Variants in SAMD3 observed in about 807,000 individuals in gnomAD.
SAMD3 encodes sterile alpha motif domain containing 3.
In SAMD3, 63 loss-of-function variants were observed where a neutral mutation model predicts 58.5. That is an observed-to-expected ratio of 1.08 (90% CI 0.88 to 1.33). The LOEUF is 1.33. Among genes scored for constraint, SAMD3 ranks in the 40% most tolerant of loss-of-function variants. The pLI is 0.00. For synonymous variants in SAMD3, 220 were observed against 210.3 expected, an observed-to-expected ratio of 1.05 and a Z score of -0.40; for missense variants, 604 against 608.4, an observed-to-expected ratio of 0.99 and a Z score of 0.08.
chr6:130,144,943 T>G (rs563073509), intron 11 of SAMD3, 139 bp from the exon 12 acceptor site: 87 of 881,142 alleles, frequency 9.9e-5, no homozygotes, highest in Non-Finnish European at 1.4e-4. Flanking sequence ...TACTTCAAAA[T>G]AGACCACCAA....
chr6:130,293,789 T>C (rs11154567), intron 2 of SAMD3, among the ~76,000 whole-genome samples: 41,103 of 150,120 alleles, frequency 0.27, 6,104 homozygotes, highest in East Asian at 0.44. Flanking sequence ...TGAAAACTTG[T>C]TTTTAGTGCT....
At chr6:130,245,146 A>C (rs982160012) in intron 2 of SAMD3, among the ~76,000 whole-genome samples, 7 of 152,216 alleles carry the variant, frequency 4.6e-5, no homozygotes, top group African/African-American at 1.7e-4. Context: ...AACTACAGCC[A>C]CGGCACTGCC....
intron 2 of SAMD3, among the ~76,000 whole-genome samples, chr6:130,251,853 T>C (rs756267451): frequency 1.3e-5 from 2 of 152,168 alleles, no homozygotes; most frequent in African/African-American, 2.4e-5. Flanking sequence ...CTGGGTCTCT[T>C]GTGTAATTGT....
intron 2 of SAMD3, among the ~76,000 whole-genome samples, chr6:130,311,891 C>T (rs1480980026): frequency 1.3e-5 from 2 of 152,142 alleles, no homozygotes; most frequent in African/African-American, 2.4e-5. Context: ...CATTCCCCAT[C>T]AGGAGGGGGG....
intron 2 of SAMD3, among the ~76,000 whole-genome samples, chr6:130,273,064 TC>T (rs398110676): frequency 5.1e-4 from 37 of 73,188 alleles, no homozygotes; most frequent in South Asian, 2.3e-3. Flanking sequence ...GTATTGAAGT[TC>T]TTTTTTTTTA....
chr6:130,351,152 G>A (rs183343669), intron 1 of SAMD3, among the ~76,000 whole-genome samples: 3 of 152,260 alleles, frequency 2.0e-5, no homozygotes, highest in Non-Finnish European at 4.4e-5. Context: ...ATACCACTCA[G>A]GACATAGGCA....
intron 5 of SAMD3, among the ~76,000 whole-genome samples, chr6:130,187,668 A>G (rs1265358851): frequency 6.6e-6 from 1 of 152,236 alleles, no homozygotes; most frequent in African/African-American, 2.4e-5. Context: ...TGGATTAAAA[A>G]AAGCTTTACT....
At chr6:130,186,794 G>C (rs1331074366) in intron 5 of SAMD3, among the ~76,000 whole-genome samples, 2 of 109,072 alleles carry the variant, frequency 1.8e-5, no homozygotes, top group Admixed American at 1.1e-4. Flanking sequence ...TTTTTGAGAC[G>C]GAGTCTTGCT....
intron 1 of SAMD3, among the ~76,000 whole-genome samples, chr6:130,360,347 T>A (rs927434518): frequency 6.6e-6 from 1 of 152,206 alleles, no homozygotes; most frequent in Non-Finnish European, 1.5e-5. Flanking sequence ...TTTCCCTAAG[T>A]GTCGGCCAGG....
At chr6:130,186,962 G>C (rs1265744081) in intron 5 of SAMD3, among the ~76,000 whole-genome samples, 1 of 151,564 alleles carries the variant, frequency 6.6e-6, no homozygotes, top group African/African-American at 2.4e-5. Flanking sequence ...AGTATAGACA[G>C]TGTTTCACCA....
At chr6:130,170,209 G>A (rs191190729) in intron 8 of SAMD3, among the ~76,000 whole-genome samples, 13 of 152,088 alleles carry the variant, frequency 8.5e-5, no homozygotes, top group East Asian at 3.9e-4. Context: ...GTCCCCCACC[G>A]CCAACAGGCC....
chr6:130,165,471 T>C (rs1012506249), intron 8 of SAMD3, among the ~76,000 whole-genome samples: 1 of 152,198 alleles, frequency 6.6e-6, no homozygotes, highest in South Asian at 2.1e-4. Flanking sequence ...TTTACATCCT[T>C]TGTATTCTGC....
At chr6:130,174,202 G>C (rs1791513277) in intron 8 of SAMD3, among the ~76,000 whole-genome samples, 1 of 152,144 alleles carries the variant, frequency 6.6e-6, no homozygotes, top group Non-Finnish European at 1.5e-5. Flanking sequence ...GTCTCACTGG[G>C]GTTCAGGCGC....
chr6:130,282,173 TGGG>T (rs553073503), intron 2 of SAMD3, among the ~76,000 whole-genome samples: 1 of 151,462 alleles, frequency 6.6e-6, no homozygotes, highest in East Asian at 1.9e-4. Flanking sequence ...TGCAGGGAGA[TGGG>T]GGGTAGAGAG....
chr6:130,343,374 CT>C (rs1384171566), intron 1 of SAMD3, among the ~76,000 whole-genome samples: 2 of 152,040 alleles, frequency 1.3e-5, no homozygotes, highest in African/African-American at 4.8e-5. Context: ...AAATAACATA[CT>C]GATGCATGGG....
intron 1 of SAMD3, among the ~76,000 whole-genome samples, chr6:130,364,248 G>A (rs892783373): frequency 6.6e-6 from 1 of 152,116 alleles, no homozygotes; most frequent in Admixed American, 6.5e-5. Context: ...CCTTAAGAAT[G>A]TGCTTATTCC....
intron 2 of SAMD3, among the ~76,000 whole-genome samples, chr6:130,260,827 T>C (rs1488891994): frequency 1.3e-5 from 2 of 152,246 alleles, no homozygotes; most frequent in African/African-American, 4.8e-5. Flanking sequence ...ACGCAGTGGC[T>C]GAACACCGGG....
At chr6:130,249,875 C>A (rs909606782) in intron 2 of SAMD3, among the ~76,000 whole-genome samples, 2 of 152,130 alleles carry the variant, frequency 1.3e-5, no homozygotes, top group Non-Finnish European at 2.9e-5. Context: ...AAGACTCTAG[C>A]CATTTAGAGT....
chr6:130,288,454 T>C (rs1011636460), intron 2 of SAMD3, among the ~76,000 whole-genome samples: 1 of 138,596 alleles, frequency 7.2e-6, no homozygotes, highest in Non-Finnish European at 1.6e-5. Context: ...GTTAATCACA[T>C]CTGAAAAAAA....
Sources: allele counts gnomAD v4.1 joint callset (sites outside exome capture counted in the v4.1 genomes callset), GRCh38; gene constraint gnomAD v4.1.1; transcripts MANE v1.5; gene names NCBI Gene and HGNC (gene_info 2026-07-23, HGNC 2026-07-21).